Variants in FAP observed in about 807,000 individuals in gnomAD.
The protein encoded by FAP is prolyl endopeptidase FAP.
FAP carries 110 observed loss-of-function variants against 126.5 expected under a neutral mutation model. The observed-to-expected ratio is 0.87, with a 90% CI of 0.74 to 1.02. The LOEUF (loss-of-function observed/expected upper bound fraction) is 1.02. Ranked by LOEUF, FAP falls within the 50% of genes least tolerant of loss-of-function variation. FAP has a pLI of 0.00. For missense variants in FAP, 919 were observed against 909.2 expected (o/e 1.01, Z -0.14); for synonymous variants, 334 against 297.3 (o/e 1.12, Z -1.27).
At chr2:162,179,665 T>C (rs573974421) in intron 21 of FAP, among the ~76,000 whole-genome samples, 3 of 151,922 alleles carry the variant, frequency 2.0e-5, no homozygotes, top group East Asian at 1.9e-4. Context: ...AGTTATCCAT[T>C]TGGGAGTGAG....
intron 6 of FAP, chr2:162,221,790 C>A: frequency 2.2e-6 from 1 of 454,534 alleles, no homozygotes; most frequent in South Asian, 1.6e-5. Flanking sequence ...CTCAGTTTTG[C>A]CTACCTAGCT....
chr2:162,223,561 T>C, intron 6 of FAP, 47 bp downstream of exon 6: 1 of 1,155,518 alleles, frequency 8.7e-7, no homozygotes, highest in Non-Finnish European at 1.3e-6. Flanking sequence ...AATGAAAACA[T>C]TCTAGGTATT....
chr2:162,170,856 GAAC>G lies in FAP; in HGVS notation c.*120_*122del. 5 of 691,832 alleles carry G rather than the reference GAAC, an allele frequency of 7.2e-6. No individual in the cohort carries two copies. The highest frequency in any genetic ancestry group is 5.4e-5 in the East Asian group (2 of 37,324). The allele number at this position is 691,832 out of a possible 1,614,324, so 42.9% of individuals were successfully genotyped here. Reference sequence around the variant, plus strand: ...CTCATCTTTTTTTTAACAGCCTTTAGAACAACATTAATTTGTTTGTTTATACTA... The same window carrying G: ...CTCATCTTTTTTTTAACAGCCTTTAGAACATTAATTTGTTTGTTTATACTA... On this transcript the variant is annotated 3_prime_UTR_variant, in exon 26 of 26. Coordinates refer to ENST00000188790, the MANE Select transcript of FAP (RefSeq NM_004460.5).
chr2:162,195,013 G>A (rs1440083952), intron 16 of FAP: 4 of 469,206 alleles, frequency 8.5e-6, no homozygotes, highest in East Asian at 3.7e-5. Context: ...CATTAATATC[G>A]AATTACACAA....
At chr2:162,228,431 A>T (rs1689751399) in intron 2 of FAP, among the ~76,000 whole-genome samples, 2 of 152,178 alleles carry the variant, frequency 1.3e-5, no homozygotes, top group African/African-American at 2.4e-5. Flanking sequence ...ATAAAGTGGA[A>T]TAATAACATC....
intron 5 of FAP, 41 bp downstream of exon 5, chr2:162,224,425 A>C: frequency 8.4e-7 from 1 of 1,186,468 alleles, no homozygotes; most frequent in Non-Finnish European, 1.2e-6. Context: ...GTGGATTAGT[A>C]GGAGATACAA....
chr2:162,228,251 A>C (rs548609149), intron 2 of FAP, among the ~76,000 whole-genome samples: 1 of 152,122 alleles, frequency 6.6e-6, no homozygotes, highest in Non-Finnish European at 1.5e-5. Context: ...TTTGGTAAGT[A>C]GATCTCTGGT....
chr2:162,217,213 G>C (rs1303416117), intron 9 of FAP, among the ~76,000 whole-genome samples: 1 of 152,146 alleles, frequency 6.6e-6, no homozygotes, highest in Non-Finnish European at 1.5e-5. Context: ...GTCCAGCCAC[G>C]ACAATATTCC....
intron 2 of FAP, among the ~76,000 whole-genome samples, chr2:162,227,656 C>A (rs1288462615): frequency 6.6e-6 from 1 of 152,112 alleles, no homozygotes; most frequent in Non-Finnish European, 1.5e-5. Context: ...AAACTCGTAG[C>A]CCTCCATGAC....
intron 2 of FAP, among the ~76,000 whole-genome samples, chr2:162,228,381 T>C (rs1255745443): frequency 1.3e-5 from 2 of 152,166 alleles, no homozygotes; most frequent in East Asian, 3.8e-4. Flanking sequence ...AATCTTATAG[T>C]TACATTAAGT....
At chr2:162,183,332 T>A (rs984246551) in intron 21 of FAP, 82 bp downstream of exon 21, 1 of 1,052,628 alleles carries the variant, frequency 9.5e-7, no homozygotes, top group East Asian at 2.4e-5. Flanking sequence ...TAACATTTCA[T>A]GAGAAACCTT....
chr2:162,243,280 A>C lies in FAP; in HGVS notation c.6+42T>G, dbSNP rs751043616. 2.1e-6 allele frequency: 3 copies of C among 1,455,320 alleles called. No individual in the cohort carries two copies. The East Asian group carries it at 6.8e-5, about 33-fold the overall frequency. 90.2% of individuals were successfully genotyped at this position (1,455,320 alleles called of 1,614,324 possible). On this transcript the variant is annotated intron_variant, in intron 1 of 25. Transcript: ENST00000188790. ...AACTCTGATCACGTTCAATCCAGCC[A>C]ACCCTAATTTTTTAAGAATACTTGA...
chr2:162,203,129 G>A lies in FAP; in HGVS notation c.1064C>T (p.Pro355Leu), dbSNP rs1382103850. The A allele has an allele frequency of 4.3e-6, 7 of 1,611,166 alleles. No individual in the cohort carries two copies. The highest frequency in any genetic ancestry group is 5.9e-6 in the Non-Finnish European group (7 of 1,178,588). Reference sequence around the variant, plus strand: ...CGAAATGGCATCATAGCTGAAAACTGGTGTTGAAACAAAGAACTGAAAAAA... The same window carrying A: ...CGAAATGGCATCATAGCTGAAAACTAGTGTTGAAACAAAGAACTGAAAAAA... Reference protein sequence around the residue: ...GWAGGFFVSTPVFSYDAISYY... With the variant: ...GWAGGFFVSTLVFSYDAISYY... Residue 355 changes from proline (P) to leucine (L), a missense_variant, in exon 13 of 26, where the codon CCA (proline) becomes CTA (leucine). By Grantham distance (98) the Pro-to-Leu change is moderately conservative. Coordinates refer to ENST00000188790, the MANE Select transcript of FAP (RefSeq NM_004460.5).
At chr2:162,237,321 C>T (rs1404717909) in intron 2 of FAP, among the ~76,000 whole-genome samples, 1 of 152,176 alleles carries the variant, frequency 6.6e-6, no homozygotes, top group African/African-American at 2.4e-5. Flanking sequence ...CTGCACCCAT[C>T]AACCCGTCAT....
At chr2:162,207,284 T>C (rs7562063) in intron 12 of FAP, among the ~76,000 whole-genome samples, 5,533 of 152,290 alleles carry the variant, frequency 0.036, 347 homozygotes, top group African/African-American at 0.13. Context: ...GCAGGTGCCT[T>C]GGGAGAGTGT....
At chr2:162,188,126 T>A in intron 20 of FAP, 43 bp downstream of exon 20, 2 of 1,498,114 alleles carry the variant, frequency 1.3e-6, no homozygotes, top group Non-Finnish European at 1.9e-6. Context: ...ATTGCATGAC[T>A]TTTGTTGCAT....
intron 2 of FAP, among the ~76,000 whole-genome samples, chr2:162,235,708 C>T (rs904511320): frequency 1.3e-5 from 2 of 152,208 alleles, no homozygotes; most frequent in African/African-American, 4.8e-5. Flanking sequence ...AGCAGGCTGC[C>T]TGAGCCAGCA....
intron 17 of FAP, among the ~76,000 whole-genome samples, chr2:162,193,129 T>C (rs3788974): frequency 0.041 from 6,273 of 152,192 alleles, 667 homozygotes; most frequent in Admixed American, 0.24. Flanking sequence ...AAATATTTGT[T>C]GAATGAGATT....
chr2:162,222,149 G>A (rs1689430729), intron 6 of FAP, among the ~76,000 whole-genome samples: 1 of 152,168 alleles, frequency 6.6e-6, no homozygotes, highest in Non-Finnish European at 1.5e-5. Context: ...AATTTGGCGA[G>A]CCTCACAAAA....
Sources: gnomAD v4.1 joint callset for allele counts (sites outside exome capture counted in the v4.1 genomes callset) on GRCh38, gnomAD v4.1.1 for gene constraint, MANE v1.5 for transcripts, NCBI Gene and HGNC (gene_info 2026-07-23, HGNC 2026-07-21) for gene names.